Variants in GATAD2B observed in about 807,000 individuals in gnomAD.
The protein encoded by GATAD2B is transcriptional repressor p66-beta.
Under a neutral mutation model 64.3 loss-of-function variants are expected in GATAD2B, and 8 were observed. That is an observed-to-expected ratio of 0.12 (90% CI 0.07 to 0.22). The LOEUF is 0.22. Among genes scored for constraint, GATAD2B ranks in the 10% least tolerant of loss-of-function variants. The pLI is 1.00. For missense variants in GATAD2B, 453 were observed against 752.0 expected (o/e 0.60, Z 4.65); for synonymous variants, 281 against 271.3 (o/e 1.04, Z -0.35).
intron 1 of GATAD2B, among the ~76,000 whole-genome samples, chr1:153,868,208 A>T (rs1008034893): frequency 1.2e-4 from 19 of 152,188 alleles, no homozygotes; most frequent in African/African-American, 2.9e-4. Context: ...ATCTCAAAAA[A>T]AAATAAATAA....
At chr1:153,824,875 G>A (rs1408728161) in intron 2 of GATAD2B, among the ~76,000 whole-genome samples, 44 of 152,126 alleles carry the variant, frequency 2.9e-4, no homozygotes, top group Admixed American at 2.9e-3. Flanking sequence ...CTTGAGTCCA[G>A]GAGTTAGAGA....
At chr1:153,899,215 G>A (rs1489391406) in intron 1 of GATAD2B, among the ~76,000 whole-genome samples, 2 of 152,134 alleles carry the variant, frequency 1.3e-5, no homozygotes, top group African/African-American at 4.8e-5. Flanking sequence ...CCTGTGAATA[G>A]CCACTGCATT....
chr1:153,881,095 G>A (rs554626825), intron 1 of GATAD2B, among the ~76,000 whole-genome samples: 1 of 152,060 alleles, frequency 6.6e-6, no homozygotes, highest in Non-Finnish European at 1.5e-5. Context: ...TTATATAATG[G>A]CCTGTGATTT....
intron 1 of GATAD2B, among the ~76,000 whole-genome samples, chr1:153,836,969 G>T (rs939172289): frequency 1.2e-4 from 18 of 152,202 alleles, no homozygotes; most frequent in Non-Finnish European, 2.1e-4. Flanking sequence ...AATGTCTGAG[G>T]TAAGTCTTTC....
intron 2 of GATAD2B, among the ~76,000 whole-genome samples, chr1:153,820,733 G>A (rs924609667): frequency 2.6e-5 from 4 of 151,546 alleles, no homozygotes; most frequent in South Asian, 2.1e-4. Flanking sequence ...GAGCTCAAGC[G>A]ATCCTCCCAC....
chr1:153,905,100 C>T (rs1677886575), intron 1 of GATAD2B, among the ~76,000 whole-genome samples: 1 of 152,190 alleles, frequency 6.6e-6, no homozygotes, highest in Non-Finnish European at 1.5e-5. Context: ...CCTGCCACAG[C>T]TTCCCAAAGT....
chr1:153,831,386 T>C (rs1675072697), intron 1 of GATAD2B, among the ~76,000 whole-genome samples: 1 of 152,020 alleles, frequency 6.6e-6, no homozygotes, highest in African/African-American at 2.4e-5. Flanking sequence ...ATCTAATACA[T>C]GTGGGGCTTA....
At chr1:153,886,750 G>A (rs540052122) in intron 1 of GATAD2B, among the ~76,000 whole-genome samples, 36 of 151,372 alleles carry the variant, frequency 2.4e-4, no homozygotes, top group African/African-American at 7.5e-4. Context: ...TAGTAGAGAC[G>A]GGGTTTCACT....
At chr1:153,895,328 C>T (rs1392163885) in intron 1 of GATAD2B, among the ~76,000 whole-genome samples, 13 of 147,158 alleles carry the variant, frequency 8.8e-5, no homozygotes, top group Admixed American at 6.1e-4. Flanking sequence ...AGCGAGACTC[C>T]ATCTCAAAAA....
intron 1 of GATAD2B, among the ~76,000 whole-genome samples, chr1:153,900,796 A>G (rs1344441637): frequency 6.6e-6 from 1 of 152,218 alleles, no homozygotes; most frequent in Admixed American, 6.6e-5. Context: ...ACCAAAGACA[A>G]TATGAAAAAA....
rs1459988207 is a variant in GATAD2B at position 153,807,330 on chromosome 1, G to A, written c.*2847C>T. 6.6e-6 allele frequency: 1 copy of A among 152,116 alleles called. No individual in the cohort carries two copies. The highest frequency in any genetic ancestry group is 1.5e-5 in the Non-Finnish European group (1 of 68,050). The allele number at this position is 152,116 out of a possible 1,614,324, so 9.4% of individuals were successfully genotyped here. ...ACAAGTAGACTTGGAGGGACACAAG[G>A]CAATCAGTGATGAAAAAAAAGAGAC... On this transcript the variant is annotated 3_prime_UTR_variant, in exon 11 of 11. Coordinates refer to ENST00000368655, the MANE Select transcript of GATAD2B (RefSeq NM_020699.4).
At chr1:153,889,203 G>A (rs1436934658) in intron 1 of GATAD2B, among the ~76,000 whole-genome samples, 2 of 151,566 alleles carry the variant, frequency 1.3e-5, no homozygotes, top group South Asian at 2.1e-4. Flanking sequence ...ACCTGAGGTC[G>A]GGAGTTCGAG....
At chr1:153,909,713 G>C (rs1678057366) in intron 1 of GATAD2B, among the ~76,000 whole-genome samples, 1 of 150,512 alleles carries the variant, frequency 6.6e-6, no homozygotes, top group African/African-American at 2.4e-5. Context: ...GGGCGGGGGG[G>C]CAGATCACAA....
In GATAD2B at chr1:153,807,861, G is replaced by C. The variant is rs1265774432; in HGVS notation, c.*2316C>G. The C allele has an allele frequency of 2.0e-5, 3 of 152,518 alleles. No homozygotes were observed. The highest frequency in any genetic ancestry group is 4.4e-5 in the Non-Finnish European group (3 of 68,016). The allele number at this position is 152,518 out of a possible 1,614,324, so 9.4% of individuals were successfully genotyped here. ...GAGCACCTCTGAGCTTGGGGAGAGG[G>C]AGACGTAACAGAAATGGCACTTCAT... On this transcript the variant is annotated 3_prime_UTR_variant, in exon 11 of 11. Coordinates refer to ENST00000368655, the MANE Select transcript of GATAD2B (RefSeq NM_020699.4).
At chr1:153,818,314 C>CT (rs35175263) in intron 4 of GATAD2B, 143 bp from the exon 5 acceptor site, 9,942 of 319,286 alleles carry the variant, frequency 0.031, 19 homozygotes, top group East Asian at 0.049. Context: ...TCAAGGTTTT[C>CT]TTTTTTTTTT....
chr1:153,886,266 G>C (rs1367208378), intron 1 of GATAD2B, among the ~76,000 whole-genome samples: 1 of 152,160 alleles, frequency 6.6e-6, no homozygotes, highest in Non-Finnish European at 1.5e-5. Flanking sequence ...ATTGTAAAGT[G>C]TATTTAAACA....
At chr1:153,900,627 C>T (rs928356416) in intron 1 of GATAD2B, among the ~76,000 whole-genome samples, 1 of 152,052 alleles carries the variant, frequency 6.6e-6, no homozygotes, top group Non-Finnish European at 1.5e-5. Flanking sequence ...TCAACCCTTC[C>T]ACCTTAGCCT....
At chr1:153,892,133 C>G (rs911608848) in intron 1 of GATAD2B, among the ~76,000 whole-genome samples, 1 of 136,200 alleles carries the variant, frequency 7.3e-6, no homozygotes, top group Non-Finnish European at 1.5e-5. Context: ...TCACTGCACT[C>G]TAGCCTGGCA....
At chr1:153,877,739 G>A (rs1217198526) in intron 1 of GATAD2B, among the ~76,000 whole-genome samples, 1 of 151,856 alleles carries the variant, frequency 6.6e-6, no homozygotes, top group East Asian at 1.9e-4. Context: ...TTAGCCGGGT[G>A]TGGTGGCACA....
Sources: gnomAD v4.1 joint callset for allele counts (sites outside exome capture counted in the v4.1 genomes callset) on GRCh38, gnomAD v4.1.1 for gene constraint, MANE v1.5 for transcripts, NCBI Gene and HGNC (gene_info 2026-07-23, HGNC 2026-07-21) for gene names.